RAI2: variants seen among roughly 807,000 people sequenced by gnomAD.
RAI2 encodes retinoic acid-induced protein 2.
RAI2 carries 5 observed loss-of-function variants against 15.3 expected under a neutral mutation model. The observed-to-expected ratio is 0.33, with a 90% confidence interval of 0.17 to 0.69. The LOEUF is 0.69. RAI2 is among the 30% of genes least tolerant of loss of function. The pLI is 0.69. For synonymous variants in RAI2, 191 were observed against 184.0 expected (o/e 1.04, Z -0.31); for missense variants, 424 against 424.7 (o/e 1.00, Z 0.01).
chrX:17,801,049 A>T lies in RAI2; in HGVS notation c.962T>A (p.Met321Lys). The T allele has an allele frequency of 8.3e-7, 1 of 1,211,596 alleles. No homozygotes were observed. The highest frequency in any genetic ancestry group is 1.1e-6 in the Non-Finnish European group (1 of 895,424). Residue 321 changes from methionine (M) to lysine (K), a missense_variant, in exon 2 of 2, where the codon ATG becomes AAG. By Grantham distance (95) the Met-to-Lys change is moderately conservative. Coordinates refer to ENST00000451717, the MANE Select transcript of RAI2 (RefSeq NM_021785.6). ...GSENEALDLS[M>K]KSVPWLKAGE... The stretch of plus-strand genomic sequence containing the variant: ...AGCCTTGAGCCAGGGCACTGACTTC[A>T]TGGAGAGATCCAGGGCCTCGTTCTC...
At chrX:17,832,903 A>AAC (rs2067298103) in intron 1 of RAI2, among the ~76,000 whole-genome samples, 1 of 111,720 alleles carries the variant, frequency 9.0e-6, no homozygotes, top group Admixed American at 9.5e-5. Context: ...CAGGATCCAG[A>AAC]ACGCTTGTTT....
At chrX:17,832,953 G>A (rs1276806392) in intron 1 of RAI2, among the ~76,000 whole-genome samples, 1 of 111,597 alleles carries the variant, frequency 9.0e-6, no homozygotes, top group African/African-American at 3.3e-5. Context: ...TTGGAAACAA[G>A]TTCACCCACG....
At chrX:17,804,327 C>T (rs772264801) in intron 1 of RAI2, among the ~76,000 whole-genome samples, 1 of 112,036 alleles carries the variant, frequency 8.9e-6, no homozygotes, top group African/African-American at 3.2e-5. Flanking sequence ...GTGAAACAGA[C>T]GAGGTTCTTG....
intron 1 of RAI2, among the ~76,000 whole-genome samples, chrX:17,821,456 A>C: frequency 9.0e-6 from 1 of 111,048 alleles, no homozygotes; most frequent in Non-Finnish European, 1.9e-5. Flanking sequence ...TGATCAGGGA[A>C]GGCCTCTTGT....
intron 1 of RAI2, among the ~76,000 whole-genome samples, chrX:17,809,403 C>T (rs952414752): frequency 9.0e-6 from 1 of 111,330 alleles, no homozygotes; most frequent in African/African-American, 3.3e-5. Context: ...TGGAGCCAAG[C>T]GTCAGAAACT....
chrX:17,820,409 G>A (rs185304607), intron 1 of RAI2, among the ~76,000 whole-genome samples: 33 of 112,213 alleles, frequency 2.9e-4, no homozygotes, highest in South Asian at 1.1e-3. Flanking sequence ...TCAAAGTGCT[G>A]CTACTGAGAC....
At chrX:17,828,298 A>C (rs1256992448) in intron 1 of RAI2, among the ~76,000 whole-genome samples, 1 of 109,165 alleles carries the variant, frequency 9.2e-6, no homozygotes, top group African/African-American at 3.4e-5. Context: ...TCTGCAGGGA[A>C]GAGGCAAAGA....
intron 1 of RAI2, among the ~76,000 whole-genome samples, chrX:17,823,013 G>A (rs2067184614): frequency 1.8e-5 from 2 of 112,314 alleles, no homozygotes; most frequent in African/African-American, 3.2e-5. Flanking sequence ...CAATGCAAAG[G>A]CATAATAAAT....
At chrX:17,844,717 C>A (rs1463157769) in intron 1 of RAI2, among the ~76,000 whole-genome samples, 2 of 112,483 alleles carry the variant, frequency 1.8e-5, no homozygotes, top group African/African-American at 6.5e-5. Flanking sequence ...TGTGATACAA[C>A]AAATCTATGC....
chrX:17,831,629 A>C (rs1239307632), intron 1 of RAI2, among the ~76,000 whole-genome samples: 4 of 112,310 alleles, frequency 3.6e-5, no homozygotes, highest in African/African-American at 1.3e-4. Context: ...GTCACTCTGA[A>C]TTTATGGGCA....
At chrX:17,826,056 G>A (rs2067223064) in intron 1 of RAI2, among the ~76,000 whole-genome samples, 2 of 112,040 alleles carry the variant, frequency 1.8e-5, no homozygotes, top group African/African-American at 6.5e-5. Flanking sequence ...ACTCTCCAAG[G>A]CATCTCATTG....
At chrX:17,825,940 A>G (rs1023882036) in intron 1 of RAI2, among the ~76,000 whole-genome samples, 3 of 112,494 alleles carry the variant, frequency 2.7e-5, no homozygotes, top group African/African-American at 9.7e-5. Context: ...ATCCACTGAG[A>G]GATTCTCTTG....
chrX:17,800,676 A>G lies in RAI2; in HGVS notation c.1335T>C (p.Asp445=), dbSNP rs1398742491. The change falls in exon 2 of 2, where the codon GAT becomes GAC. Residue 445 remains aspartate (D), a synonymous_variant. Coordinates refer to ENST00000451717, the MANE Select transcript of RAI2 (RefSeq NM_021785.6). The part of the protein sequence containing the change: ...QAAKVIVSVE[D]AVPTIFCGKI... The stretch of plus-strand genomic sequence containing the variant: ...TGCCACAGAATATGGTAGGCACAGC[A>G]TCTTCGACAGAGACAATGACCTTGG... 1.7e-6 allele frequency: 2 copies of G among 1,209,559 alleles called. No individual in the cohort carries two copies. The highest frequency in any genetic ancestry group is 1.1e-6 in the Non-Finnish European group (1 of 895,104).
At chrX:17,856,162 T>C (rs1301416669) in intron 1 of RAI2, among the ~76,000 whole-genome samples, 1 of 112,082 alleles carries the variant, frequency 8.9e-6, no homozygotes, top group Non-Finnish European at 1.9e-5. Context: ...ACAGCAGAAA[T>C]TGGAATTACA....
intron 1 of RAI2, among the ~76,000 whole-genome samples, chrX:17,831,560 CT>C (rs2067282570): frequency 9.0e-6 from 1 of 111,706 alleles, no homozygotes; most frequent in African/African-American, 3.3e-5. Context: ...ATCTTCACCC[CT>C]CTCCCCATTT....
chrX:17,807,399 G>C (rs1050291270), intron 1 of RAI2, among the ~76,000 whole-genome samples: 33 of 111,743 alleles, frequency 3.0e-4, no homozygotes, highest in Non-Finnish European at 5.8e-4. Context: ...TGGATGAATT[G>C]GTGCACAAAT....
Position 17,800,945 on chromosome X carries a change from G to A in RAI2, c.1066C>T (p.Pro356Ser). 2.5e-6 allele frequency: 3 copies of A among 1,211,198 alleles called. No homozygotes were observed. The highest frequency in any genetic ancestry group is 1.8e-5 in the South Asian group (1 of 56,950). ...CCACTGTCATACAGTGTCTCAGGGG[G>A]AGGCTCGGATTTCCGGTGGGCTGCC... ...SVAAHRKSEPPPETLYDSGAS... is the reference protein window; with the variant it reads ...SVAAHRKSEPSPETLYDSGAS... Residue 356 changes from proline to serine, a missense_variant, in exon 2 of 2, where the codon CCC becomes TCC. Pro to Ser is a moderately conservative substitution (Grantham distance 74). Coordinates refer to ENST00000451717, the MANE Select transcript of RAI2 (RefSeq NM_021785.6).
At chrX:17,827,286 G>A (rs1351352015) in intron 1 of RAI2, among the ~76,000 whole-genome samples, 2 of 111,912 alleles carry the variant, frequency 1.8e-5, no homozygotes, top group Non-Finnish European at 3.8e-5. Context: ...TCAGAACCCC[G>A]CCCAAGTTAC....
At chrX:17,815,323 GCACACACACACACACACACA>G (rs5901632) in intron 1 of RAI2, among the ~76,000 whole-genome samples, 3 of 100,948 alleles carry the variant, frequency 3.0e-5, no homozygotes, top group African/African-American at 7.3e-5. Context: ...GTGCACACGT[GCACACACACACACACACACA>G]CACACACACA....
Sources: allele counts gnomAD v4.1 joint callset (sites outside exome capture counted in the v4.1 genomes callset), GRCh38; gene constraint gnomAD v4.1.1; transcripts MANE v1.5; gene names NCBI Gene and HGNC (gene_info 2026-07-23, HGNC 2026-07-21).